DNAH8: variants seen among roughly 807,000 people sequenced by gnomAD.
DNAH8 encodes the protein dynein axonemal heavy chain 8.
A neutral mutation model predicts 562.1 loss-of-function variants in DNAH8; 382 were observed. The ratio of observed to expected loss-of-function variants is 0.68; its 90% confidence interval spans 0.63 to 0.74. The LOEUF (loss-of-function observed/expected upper bound fraction) is 0.74, where lower values mean the gene tolerates loss of function less well. DNAH8 is among the 30% of genes least tolerant of loss of function. DNAH8 has a pLI of 0.00. For missense variants in DNAH8, 5,203 were observed against 5,620.4 expected, an observed-to-expected ratio of 0.93 and a Z score of 2.37; for synonymous variants, 1,881 against 1,919.4, an observed-to-expected ratio of 0.98 and a Z score of 0.52.
At chr6:38,987,813 T>C (rs1561947095) in intron 87 of DNAH8, among the ~76,000 whole-genome samples, 3 of 152,192 alleles carry the variant, frequency 2.0e-5, no homozygotes, top group Admixed American at 2.0e-4. Flanking sequence ...TTTCTCTGTC[T>C]AGCTTGGACC....
At chr6:38,969,405 G>A (rs1453792080) in intron 82 of DNAH8, among the ~76,000 whole-genome samples, 1 of 152,094 alleles carries the variant, frequency 6.6e-6, no homozygotes, top group Admixed American at 6.5e-5. Flanking sequence ...CTAGACTGGG[G>A]ATAAAACAGA....
chr6:38,792,249 G>A (rs1405603800), intron 21 of DNAH8, among the ~76,000 whole-genome samples: 2 of 151,878 alleles, frequency 1.3e-5, no homozygotes, highest in African/African-American at 4.8e-5. Context: ...CAGCACACCC[G>A]GCTAATTTTT....
chr6:38,839,016 C>T (rs1279528394), intron 33 of DNAH8, among the ~76,000 whole-genome samples: 1 of 152,134 alleles, frequency 6.6e-6, no homozygotes, highest in South Asian at 2.1e-4. Flanking sequence ...ATGAATGCTT[C>T]AGCCATTTAG....
chr6:38,769,294 C>T lies in DNAH8; in HGVS notation c.1618-1119C>T, dbSNP rs139942982. Among the ~76,000 whole-genome samples the T allele has an allele frequency of 1.3e-3, 198 of 152,220 alleles. 1 individual carries two copies. The highest frequency in any genetic ancestry group is 4.2e-3 in the African/African-American group (174 of 41,526). ...TGCAGGTTTGTTACATAGGTATACA[C>T]GTGCCATGGTGGTTTGCTGCACCTG... On this transcript the variant is annotated intron_variant, in intron 11 of 92. Transcript: ENST00000327475.
chr6:39,027,820 T>C (rs1767398339), intron 92 of DNAH8, among the ~76,000 whole-genome samples: 1 of 152,138 alleles, frequency 6.6e-6, no homozygotes. Flanking sequence ...AGCGAGACTC[T>C]GTCTCAAATA....
rs1582851983 is a variant in DNAH8 at position 38,732,828 on chromosome 6, A to G, written c.611-1646A>G. On this transcript the variant is annotated intron_variant, in intron 4 of 92. Transcript: ENST00000327475. ...GGAGGAATCTCCCAACCCCCGTGAA[A>G]AAGAAAGGCTGGGCAGACAAAACAT... 2.0e-5 allele frequency among the ~76,000 whole-genome samples: 3 copies of G among 152,266 alleles called. No homozygotes were observed. The South Asian group carries it at 6.2e-4, about 32-fold the overall frequency.
chr6:38,748,036 C>T (rs957759875), intron 8 of DNAH8, among the ~76,000 whole-genome samples: 93 of 152,104 alleles, frequency 6.1e-4, no homozygotes, highest in African/African-American at 2.2e-3. Context: ...ATCTATTATC[C>T]CAGAATCGAC....
intron 8 of DNAH8, among the ~76,000 whole-genome samples, chr6:38,747,163 A>T (rs1765011690): frequency 6.6e-6 from 1 of 152,142 alleles, no homozygotes; most frequent in Admixed American, 6.6e-5. Context: ...ATAACATTTC[A>T]TTTAATCCTC....
At chr6:39,000,490 C>T (rs540188997) in intron 88 of DNAH8, among the ~76,000 whole-genome samples, 52 of 152,238 alleles carry the variant, frequency 3.4e-4, no homozygotes, top group Middle Eastern at 3.4e-3. Context: ...CTCTGCTTCC[C>T]GTCAGATCAG....
intron 7 of DNAH8, 76 bp downstream of exon 7, chr6:38,738,048 A>G: frequency 6.9e-7 from 1 of 1,452,760 alleles, no homozygotes; most frequent in Non-Finnish European, 9.5e-7. Flanking sequence ...TGTCTCTAAC[A>G]GCAAAGGGAA....
At chr6:38,755,938 A>G (rs1441730707) in intron 9 of DNAH8, 34 bp from the exon 10 acceptor site, 1 of 1,132,922 alleles carries the variant, frequency 8.8e-7, no homozygotes, top group Non-Finnish European at 1.3e-6. Context: ...CTATATGCAT[A>G]TGATGGAATT....
In DNAH8 at chr6:38,761,688, T is replaced by C; in HGVS notation, c.1516-14T>C. ...TTTTTACATATAATTATTTTGTACC[T>C]ATATTTATTTCAGGTAACAAATCAA... On this transcript the variant is annotated splice_polypyrimidine_tract_variant and intron_variant, in intron 10 of 92. Transcript: ENST00000327475. 6.7e-6 allele frequency: 9 copies of C among 1,336,258 alleles called. No individual in the cohort carries two copies. The highest frequency in any genetic ancestry group is 8.2e-6 in the Non-Finnish European group (8 of 972,236). The allele number at this position is 1,336,258 out of a possible 1,614,324, so 82.8% of individuals were successfully genotyped here. A position where few individuals can be genotyped will look rare whatever the true frequency, so the allele number is the denominator to read the frequency against.
chr6:38,728,149 A>G (rs917749705), intron 3 of DNAH8, among the ~76,000 whole-genome samples: 1 of 151,972 alleles, frequency 6.6e-6, no homozygotes, highest in Non-Finnish European at 1.5e-5. Flanking sequence ...TGGTATTTTT[A>G]TAGAGAGGAG....
At chr6:38,944,249 C>T (rs916821568) in intron 79 of DNAH8, among the ~76,000 whole-genome samples, 5 of 151,972 alleles carry the variant, frequency 3.3e-5, no homozygotes, top group African/African-American at 9.7e-5. Flanking sequence ...GCAGAGGGGC[C>T]GACAGTAAGA....
chr6:38,961,429 T>A (rs2150665749), intron 82 of DNAH8, among the ~76,000 whole-genome samples: 1 of 152,062 alleles, frequency 6.6e-6, no homozygotes, highest in East Asian at 1.9e-4. Flanking sequence ...TCATTATGTG[T>A]CAATGAAAAA....
intron 88 of DNAH8, among the ~76,000 whole-genome samples, chr6:39,002,568 T>C (rs536179829): frequency 1.3e-5 from 2 of 152,340 alleles, no homozygotes; most frequent in East Asian, 3.9e-4. Flanking sequence ...GAATATTGTG[T>C]TCTCTGTTCA....
chr6:38,879,728 G>A (rs557780171), intron 53 of DNAH8, among the ~76,000 whole-genome samples: 4 of 152,012 alleles, frequency 2.6e-5, no homozygotes, highest in Non-Finnish European at 4.4e-5. Context: ...GTGCAGTGGG[G>A]GGCAAATCAA....
At chr6:38,791,799 T>A in intron 21 of DNAH8, 125 bp downstream of exon 21, 1 of 954,472 alleles carries the variant, frequency 1.0e-6, no homozygotes, top group Non-Finnish European at 1.5e-6. Context: ...TTGTTTTTTG[T>A]GAACATTCTC....
intron 1 of DNAH8, chr6:38,716,512 G>C (rs1243361900): frequency 6.6e-6 from 1 of 152,140 alleles, no homozygotes; most frequent in African/African-American, 2.4e-5. Context: ...ACCCGACTCG[G>C]GTGGTACCTT....
Sources: gnomAD v4.1 joint callset for allele counts (sites outside exome capture counted in the v4.1 genomes callset) on GRCh38, gnomAD v4.1.1 for gene constraint, MANE v1.5 for transcripts, NCBI Gene and HGNC (gene_info 2026-07-23, HGNC 2026-07-21) for gene names.